Variants in ARPC2 observed in about 807,000 individuals in gnomAD.
The protein encoded by ARPC2 is actin related protein 2/3 complex subunit 2.
Under a neutral mutation model 38.6 loss-of-function variants are expected in ARPC2, and 4 were observed. That is an observed-to-expected ratio of 0.10 (90% CI 0.05 to 0.24). The LOEUF is 0.24. Among genes scored for constraint, ARPC2 ranks in the 10% least tolerant of loss-of-function variants. The pLI is 1.00. For missense variants in ARPC2, 229 were observed against 387.3 expected (o/e 0.59, Z 3.43); for synonymous variants, 125 against 140.8 (o/e 0.89, Z 0.79).
intron 8 of ARPC2, among the ~76,000 whole-genome samples, chr2:218,247,245 A>G (rs151151617): frequency 1.1e-3 from 173 of 152,334 alleles, no homozygotes; most frequent in Middle Eastern, 3.4e-3. Context: ...CACTTACTCC[A>G]CTTTTTCGCG....
intron 8 of ARPC2, among the ~76,000 whole-genome samples, chr2:218,248,547 A>AC (rs202196903): frequency 0.028 from 4,215 of 152,042 alleles, 178 homozygotes; most frequent in African/African-American, 0.092. Context: ...TGCAACCTCC[A>AC]CCCCCCGGGT....
At chr2:218,249,784 A>G (rs547956238) in intron 9 of ARPC2, 37 bp from the exon 10 acceptor site, 11 of 1,573,194 alleles carry the variant, frequency 7.0e-6, no homozygotes, top group Admixed American at 7.0e-5. Context: ...TTTCTAGACC[A>G]TGACTGTGCT....
At chr2:218,230,951 A>G (rs1306625553) in intron 4 of ARPC2, among the ~76,000 whole-genome samples, 1 of 152,194 alleles carries the variant, frequency 6.6e-6, no homozygotes, top group African/African-American at 2.4e-5. Context: ...TTTTCTTACG[A>G]TGGAGCTCCA....
At chr2:218,252,449 G>A (rs1460105764) in intron 10 of ARPC2, among the ~76,000 whole-genome samples, 1 of 151,926 alleles carries the variant, frequency 6.6e-6, no homozygotes, top group Non-Finnish European at 1.5e-5. Context: ...CCATCCTGGT[G>A]TCTACATTTT....
intron 1 of ARPC2, 41 bp downstream of exon 1, chr2:218,217,295 G>A: frequency 3.2e-6 from 2 of 625,464 alleles, no homozygotes; most frequent in East Asian, 5.7e-5. Flanking sequence ...CTGCGTGCGT[G>A]GGCCAGCGCG....
chr2:218,221,190 C>G (rs1270112402), intron 2 of ARPC2, among the ~76,000 whole-genome samples: 2 of 152,162 alleles, frequency 1.3e-5, no homozygotes, highest in African/African-American at 4.8e-5. Flanking sequence ...TGTGCTGGCT[C>G]CGTGCCACAG....
At position 218,251,482 on chromosome 2, in the gene ARPC2, G is replaced by T. The variant is rs182441256; in HGVS notation, c.878+1561G>T. 4.1e-3 allele frequency among the ~76,000 whole-genome samples: 629 copies of T among 152,090 alleles called. 1 individual carries two copies. The highest frequency in any genetic ancestry group is 7.5e-3 in the Non-Finnish European group (508 of 68,026). On this transcript the variant is annotated intron_variant, in intron 10 of 10. Transcript: ENST00000315717. ...CTACCTCAGCTTCCCAAAGTGTTGG[G>T]ATTAAGGAGTGAGCCACCGCGCCCA...
At chr2:218,244,619 G>C (rs148357359) in intron 7 of ARPC2, among the ~76,000 whole-genome samples, 2 of 152,250 alleles carry the variant, frequency 1.3e-5, no homozygotes, top group African/African-American at 4.8e-5. Flanking sequence ...GGCAGCTCCA[G>C]CAAGAGAGCA....
intron 5 of ARPC2, among the ~76,000 whole-genome samples, chr2:218,237,324 G>A (rs555016011): frequency 1.1e-4 from 16 of 148,358 alleles, no homozygotes; most frequent in Admixed American, 3.4e-4. Flanking sequence ...CTCAGCCTCC[G>A]GAGTACCTGG....
At chr2:218,249,553 G>A (rs575714355) in intron 9 of ARPC2, 89 bp downstream of exon 9, 130 of 1,046,918 alleles carry the variant, frequency 1.2e-4, no homozygotes, top group South Asian at 3.4e-4. Flanking sequence ...ATTAGTCTAC[G>A]CTGTGGATAT....
At chr2:218,217,395 C>A in intron 1 of ARPC2, 68 bp from the exon 2 acceptor site, 1 of 1,480,680 alleles carries the variant, frequency 6.8e-7, no homozygotes, top group Non-Finnish European at 9.4e-7. Flanking sequence ...GCAGCAGGGC[C>A]GCTCCCTCCG....
At chr2:218,224,746 G>A (rs1689458895) in intron 2 of ARPC2, among the ~76,000 whole-genome samples, 2 of 152,298 alleles carry the variant, frequency 1.3e-5, no homozygotes, top group South Asian at 4.1e-4. Context: ...ATTCGTATAG[G>A]TTGATTTTTC....
chr2:218,243,701 A>C (rs116831766), intron 7 of ARPC2, among the ~76,000 whole-genome samples: 5,316 of 152,226 alleles, frequency 0.035, 133 homozygotes, highest in Non-Finnish European at 0.049. Flanking sequence ...ACTTGAACCT[A>C]GGAGGTGGAG....
At chr2:218,246,784 A>T (rs1353025745) in intron 8 of ARPC2, among the ~76,000 whole-genome samples, 2 of 152,190 alleles carry the variant, frequency 1.3e-5, no homozygotes, top group African/African-American at 4.8e-5. Context: ...CAACCTGGCC[A>T]ACATGGTGAA....
chr2:218,243,551 G>A (rs1689964114), intron 7 of ARPC2, among the ~76,000 whole-genome samples: 1 of 152,246 alleles, frequency 6.6e-6, no homozygotes, highest in South Asian at 2.1e-4. Context: ...GCCTAGGCAG[G>A]TGGATCACTA....
chr2:218,239,152 CA>C, intron 6 of ARPC2: 1 of 578,992 alleles, frequency 1.7e-6, no homozygotes, highest in South Asian at 2.2e-5. Context: ...ACCATAGGTC[CA>C]TGTTATATTT....
At chr2:218,241,796 C>G (rs939466294) in intron 7 of ARPC2, among the ~76,000 whole-genome samples, 2 of 152,344 alleles carry the variant, frequency 1.3e-5, no homozygotes, top group East Asian at 3.9e-4. Flanking sequence ...AACAGGATCT[C>G]TGGATAGTAA....
Position 218,253,940 on chromosome 2 carries a change from G to T in ARPC2, c.*25G>T. 1 of 1,613,778 alleles carries T rather than the reference G, an allele frequency of 6.2e-7. No individual in the cohort carries two copies. Among genetic ancestry groups the T allele is most frequent in the Non-Finnish European group, 8.5e-7 (1 of 1,179,866 alleles). ...ATCTTGGGAATAAGAGGAGGAAGCG[G>T]CTGGCAACTGAAGGCTGGAACACTT... On this transcript the variant is annotated 3_prime_UTR_variant, in exon 11 of 11. Transcript: ENST00000315717.
chr2:218,222,228 C>T (rs1041025053), intron 2 of ARPC2, among the ~76,000 whole-genome samples: 2 of 152,092 alleles, frequency 1.3e-5, no homozygotes, highest in Non-Finnish European at 2.9e-5. Flanking sequence ...GGTGGCACCA[C>T]TGCACTCCAG....
Sources: allele counts gnomAD v4.1 joint callset (sites outside exome capture counted in the v4.1 genomes callset), GRCh38; gene constraint gnomAD v4.1.1; transcripts MANE v1.5; gene names NCBI Gene and HGNC (gene_info 2026-07-23, HGNC 2026-07-21).